SAMD4A: variants seen among roughly 807,000 people sequenced by gnomAD.
SAMD4A encodes the protein protein Smaug homolog 1.
A neutral mutation model predicts 81.3 loss-of-function variants in SAMD4A; 33 were observed. The ratio of observed to expected loss-of-function variants is 0.41; its 90% confidence interval spans 0.31 to 0.54. SAMD4A has a LOEUF of 0.54. SAMD4A is among the 20% of genes least tolerant of loss of function. The pLI is 0.37. For synonymous variants in SAMD4A, 389 were observed against 382.1 expected (o/e 1.02, Z -0.21); for missense variants, 854 against 951.1 (o/e 0.90, Z 1.34).
intron 2 of SAMD4A, among the ~76,000 whole-genome samples, chr14:54,629,683 A>G (rs1242841322): frequency 6.6e-6 from 1 of 152,118 alleles, no homozygotes; most frequent in Non-Finnish European, 1.5e-5. Flanking sequence ...CAATTGCGGT[A>G]AAATACAGTT....
In SAMD4A at chr14:54,688,320, G is replaced by A. The variant is rs74049561; in HGVS notation, c.197-13742G>A. The A allele has an allele frequency of 5.0e-3, 4,954 of 985,400 alleles. 179 individuals carry two copies. In the African/African-American group the frequency reaches 0.078, roughly 16 times the overall value. 61.0% of individuals were successfully genotyped at this position (985,400 alleles called of 1,614,324 possible). On this transcript the variant is annotated intron_variant, in intron 2 of 12. Transcript: ENST00000554335. ...TTAGAGGTAACGTACTGGCTCTCAC[G>A]CCCAGGCTTCTCTGGGCTTCTGCAG...
At position 54,567,910 on chromosome 14, in the gene SAMD4A, C is replaced by G; in HGVS notation, c.-7C>G. 1 of 1,605,316 alleles carries G rather than the reference C, an allele frequency of 6.2e-7. No individual in the cohort carries two copies. Among genetic ancestry groups the G allele is most frequent in the Non-Finnish European group, 8.5e-7 (1 of 1,178,804 alleles). On this transcript the variant is annotated 5_prime_UTR_variant, in exon 2 of 13. Transcript: ENST00000554335. ...GGGCTCTGTAGACCGAGGGCGGCCCCCTAACCATGATGTTTCGCGACCAGG... is the reference window on the plus strand; with the variant it reads ...GGGCTCTGTAGACCGAGGGCGGCCCGCTAACCATGATGTTTCGCGACCAGG...
chr14:54,576,001 C>CTTTTTTTTTTTTTTTTTTTTTTTTTT (rs57819180), intron 2 of SAMD4A, among the ~76,000 whole-genome samples: 1 of 80,026 alleles, frequency 1.2e-5, no homozygotes, highest in Non-Finnish European at 2.2e-5. Flanking sequence ...TTCTTTCTTT[C>CTTTTTTTTTTTTTTTTTTTTTTTTTT]TTTTTTTTTT....
rs147270568 is a variant in SAMD4A, at chr14:54,677,557, G to A, written c.197-24505G>A. Among the ~76,000 whole-genome samples, 247 of 152,268 alleles carry A rather than the reference G, an allele frequency of 1.6e-3. 2 individuals are homozygous for A. Among genetic ancestry groups the A allele is most frequent in the Admixed American group, 3.5e-3 (54 of 15,298 alleles). On this transcript the variant is annotated intron_variant, in intron 2 of 12. Transcript: ENST00000554335. Reference sequence around the variant, plus strand: ...CCTGGCATTTCAGAGGCTTTGTAATGGAAATCGTAGTTCCAAGCTACGGTT... The same window carrying A: ...CCTGGCATTTCAGAGGCTTTGTAATAGAAATCGTAGTTCCAAGCTACGGTT...
chr14:54,774,834 A>AT, intron 9 of SAMD4A, 100 bp from the exon 10 acceptor site: 1 of 991,510 alleles, frequency 1.0e-6, no homozygotes, highest in Non-Finnish European at 1.5e-6. Context: ...AAAAAAAAAA[A>AT]ATGAGGAGAC....
intron 2 of SAMD4A, among the ~76,000 whole-genome samples, chr14:54,593,013 T>G (rs2140190129): frequency 6.6e-6 from 1 of 152,332 alleles, no homozygotes; most frequent in East Asian, 1.9e-4. Flanking sequence ...AGAAAACATG[T>G]TTTATGGAAA....
At chr14:54,699,784 G>A (rs878892208) in intron 2 of SAMD4A, among the ~76,000 whole-genome samples, 2 of 152,108 alleles carry the variant, frequency 1.3e-5, no homozygotes, top group Admixed American at 1.3e-4. Context: ...GTCTCACTCT[G>A]TTACTGAATA....
chr14:54,760,001 G>A (rs1252203888), intron 6 of SAMD4A, among the ~76,000 whole-genome samples, 160 bp from the exon 7 acceptor site: 1 of 152,160 alleles, frequency 6.6e-6, no homozygotes, highest in Non-Finnish European at 1.5e-5. Context: ...GCCAATATTA[G>A]AATGATGAAA....
At chr14:54,653,605 G>A (rs1197586188) in intron 2 of SAMD4A, among the ~76,000 whole-genome samples, 1 of 151,992 alleles carries the variant, frequency 6.6e-6, no homozygotes, top group Non-Finnish European at 1.5e-5. Flanking sequence ...CTCCCAAAGT[G>A]CTGGGACTAC....
intron 2 of SAMD4A, among the ~76,000 whole-genome samples, chr14:54,647,302 GGATA>G (rs1446699946): frequency 1.3e-5 from 2 of 152,136 alleles, no homozygotes; most frequent in African/African-American, 4.8e-5. Context: ...TCTGTAAGGA[GGATA>G]GTTACCATTT....
At chr14:54,661,579 C>T (rs1201944451) in intron 2 of SAMD4A, among the ~76,000 whole-genome samples, 1 of 152,228 alleles carries the variant, frequency 6.6e-6, no homozygotes. Flanking sequence ...GCATTAACCT[C>T]AATCCTTATC....
intron 2 of SAMD4A, among the ~76,000 whole-genome samples, chr14:54,593,305 G>C (rs182538788): frequency 2.0e-5 from 3 of 152,208 alleles, no homozygotes; most frequent in Admixed American, 2.0e-4. Context: ...TCATCATTAA[G>C]TAATTCTTGA....
chr14:54,723,008 T>C (rs1384775261), intron 3 of SAMD4A, among the ~76,000 whole-genome samples: 1 of 152,180 alleles, frequency 6.6e-6, no homozygotes, highest in Non-Finnish European at 1.5e-5. Flanking sequence ...CCCCATCTGG[T>C]ACCTTGTGAG....
chr14:54,733,087 A>G (rs2037598336), intron 3 of SAMD4A, among the ~76,000 whole-genome samples: 1 of 152,194 alleles, frequency 6.6e-6, no homozygotes, highest in Non-Finnish European at 1.5e-5. Flanking sequence ...TGAAAAAATC[A>G]TTAGGTTAGA....
intron 2 of SAMD4A, among the ~76,000 whole-genome samples, chr14:54,663,997 G>T (rs1998311): frequency 0.95 from 144,076 of 152,278 alleles, 68,175 homozygotes; most frequent in East Asian, 1. Flanking sequence ...AATATGAGTG[G>T]GAGAAGGAGA....
intron 2 of SAMD4A, among the ~76,000 whole-genome samples, chr14:54,569,564 T>G (rs555261133): frequency 5.5e-4 from 83 of 152,274 alleles, no homozygotes; most frequent in African/African-American, 1.9e-3. Context: ...TCCACGTTTA[T>G]AAATAGCTGG....
intron 2 of SAMD4A, among the ~76,000 whole-genome samples, chr14:54,617,696 C>T (rs780663232): frequency 5.9e-5 from 9 of 152,188 alleles, no homozygotes; most frequent in Admixed American, 5.2e-4. Context: ...ACTGCCACTA[C>T]TCACACTACA....
chr14:54,769,010 C>A (rs764730802), intron 8 of SAMD4A, among the ~76,000 whole-genome samples: 1 of 152,212 alleles, frequency 6.6e-6, no homozygotes, highest in Non-Finnish European at 1.5e-5. Flanking sequence ...TAAAGGAATT[C>A]ATGCCCTATT....
chr14:54,780,295 G>T (rs552693193), intron 11 of SAMD4A, among the ~76,000 whole-genome samples: 5 of 152,144 alleles, frequency 3.3e-5, no homozygotes, highest in African/African-American at 1.2e-4. Context: ...TTCATGGTGT[G>T]ACTTACCTGA....
Sources: gnomAD v4.1 joint callset for allele counts (sites outside exome capture counted in the v4.1 genomes callset) on GRCh38, gnomAD v4.1.1 for gene constraint, MANE v1.5 for transcripts, NCBI Gene and HGNC (gene_info 2026-07-23, HGNC 2026-07-21) for gene names.